The following PLGRKT variants were observed in gnomAD, a reference collection of about 807,000 sequenced individuals.
The protein encoded by PLGRKT is plasminogen receptor with a C-terminal lysine.
Under a neutral mutation model 18.5 loss-of-function variants are expected in PLGRKT, and 22 were observed. The observed-to-expected ratio is 1.19, with a 90% CI of 0.85 to 1.70. PLGRKT has a LOEUF of 1.70. Among genes scored for constraint, PLGRKT ranks in the 40% most tolerant of loss-of-function variants. The pLI is 0.00. For missense variants in PLGRKT, 235 were observed against 174.4 expected, an observed-to-expected ratio of 1.35 and a Z score of -1.96; for synonymous variants, 72 against 52.8, an observed-to-expected ratio of 1.36 and a Z score of -1.58.
chr9:5,433,435 G>A (rs1453466081), intron 2 of PLGRKT, among the ~76,000 whole-genome samples: 1 of 150,548 alleles, frequency 6.6e-6, no homozygotes, highest in Non-Finnish European at 1.5e-5. Context: ...TCTGGGAAGT[G>A]AGGAGTGCCT....
In PLGRKT at chr9:5,424,790, A is replaced by C. The variant is rs1207031256; in HGVS notation, c.81+7107T>G. On this transcript the variant is annotated intron_variant, in intron 3 of 5. Transcript: ENST00000223864. ...GGGCTGGTCCCAAACTCCTGGGCTTAAGTGATCCTCCTCCCAAGTAGCACG... is the reference window on the plus strand; with the variant it reads ...GGGCTGGTCCCAAACTCCTGGGCTTCAGTGATCCTCCTCCCAAGTAGCACG... 2.7e-5 allele frequency among the ~76,000 whole-genome samples: 4 copies of C among 149,110 alleles called. No homozygotes were observed. The Admixed American group carries it at 2.7e-4, about 10-fold the overall frequency.
Position 5,388,131 on chromosome 9 carries a change from G to C in PLGRKT, c.82-26243C>G, listed in dbSNP as rs188563870. 2.0e-5 allele frequency among the ~76,000 whole-genome samples: 3 copies of C among 151,924 alleles called. No individual in the cohort carries two copies. The East Asian group carries it at 5.8e-4, about 29-fold the overall frequency. On this transcript the variant is annotated intron_variant, in intron 3 of 5. Coordinates refer to ENST00000223864, the MANE Select transcript of PLGRKT (RefSeq NM_018465.4). Reference sequence around the variant, plus strand: ...GACTGGATGAAATGCCCCAGGAAGCGAGTATAGATGGTGAAAAGAAGACAA... The same window carrying C: ...GACTGGATGAAATGCCCCAGGAAGCCAGTATAGATGGTGAAAAGAAGACAA...
intron 3 of PLGRKT, among the ~76,000 whole-genome samples, chr9:5,408,950 A>G (rs982571206): frequency 6.6e-6 from 1 of 152,236 alleles, no homozygotes; most frequent in Non-Finnish European, 1.5e-5. Context: ...GGCAGCTTCC[A>G]TGTGATGCTA....
chr9:5,403,488 G>A (rs922775019), intron 3 of PLGRKT, among the ~76,000 whole-genome samples: 2 of 152,090 alleles, frequency 1.3e-5, no homozygotes, highest in Non-Finnish European at 2.9e-5. Flanking sequence ...GCCTCCCAAA[G>A]TGCTGGGATT....
intron 3 of PLGRKT, among the ~76,000 whole-genome samples, chr9:5,428,729 G>A (rs536589325): frequency 2.0e-5 from 3 of 152,196 alleles, no homozygotes; most frequent in Admixed American, 6.5e-5. Context: ...ATAGGGTCTC[G>A]CTCTGTCAAC....
intron 3 of PLGRKT, among the ~76,000 whole-genome samples, chr9:5,403,061 T>C (rs2131130992): frequency 6.6e-6 from 1 of 151,968 alleles, no homozygotes; most frequent in East Asian, 1.9e-4. Context: ...GAAATAAGGT[T>C]TATTTTGCTG....
At chr9:5,361,510 G>T (rs913427951) in intron 4 of PLGRKT, among the ~76,000 whole-genome samples, 6 of 152,164 alleles carry the variant, frequency 3.9e-5, no homozygotes, top group African/African-American at 1.4e-4. Flanking sequence ...CCTTCTTGGT[G>T]TCAAGTTGGT....
In PLGRKT at chr9:5,418,610, T is replaced by C; in HGVS notation, c.81+13287A>G. 1 of 731,910 alleles carries C rather than the reference T, an allele frequency of 1.4e-6. No individual in the cohort carries two copies. The highest frequency in any genetic ancestry group is 2.5e-6 in the Non-Finnish European group (1 of 393,924). The allele number at this position is 731,910 out of a possible 1,614,324, so 45.3% of individuals were successfully genotyped here. On this transcript the variant is annotated intron_variant, in intron 3 of 5. Transcript: ENST00000223864. The surrounding 1 kb of genome is among the most constrained non-coding windows in gnomAD (Gnocchi z 4.2). ...ACAGTGACGGACTTCTGCCGGTTCC[T>C]GGGCAGCAGGTGGCGGCTCATATCT...
intron 2 of PLGRKT, among the ~76,000 whole-genome samples, chr9:5,433,608 C>T (rs1176550752): frequency 6.9e-6 from 1 of 144,916 alleles, no homozygotes; most frequent in Non-Finnish European, 1.5e-5. Context: ...TCTGCCTGAG[C>T]GCCCATCGTC....
At chr9:5,422,494 A>G (rs1443227517) in intron 3 of PLGRKT, among the ~76,000 whole-genome samples, 2 of 148,134 alleles carry the variant, frequency 1.4e-5, no homozygotes, top group Non-Finnish European at 2.9e-5. Flanking sequence ...TTTCTTCAAC[A>G]AATAAATAGT....
intron 3 of PLGRKT, among the ~76,000 whole-genome samples, chr9:5,380,739 T>C (rs1480855540): frequency 2.6e-5 from 4 of 152,256 alleles, no homozygotes; most frequent in Non-Finnish European, 5.9e-5. Flanking sequence ...GCCATAACCT[T>C]GGTGCCTAGA....
At chr9:5,403,925 A>G (rs1191997728) in intron 3 of PLGRKT, among the ~76,000 whole-genome samples, 1 of 152,228 alleles carries the variant, frequency 6.6e-6, no homozygotes, top group Non-Finnish European at 1.5e-5. Context: ...AATAAACACA[A>G]TCAGAAATGT....
chr9:5,406,323 A>G (rs1310019643), intron 3 of PLGRKT, among the ~76,000 whole-genome samples: 1 of 152,166 alleles, frequency 6.6e-6, no homozygotes, highest in African/African-American at 2.4e-5. Flanking sequence ...TGTTCACTGC[A>G]GCACTATTCA....
intron 3 of PLGRKT, among the ~76,000 whole-genome samples, chr9:5,423,401 C>A (rs1818614709): frequency 6.6e-6 from 1 of 152,322 alleles, no homozygotes; most frequent in South Asian, 2.1e-4. Context: ...TTGGAACATA[C>A]TGTATCTTTT....
intron 3 of PLGRKT, among the ~76,000 whole-genome samples, chr9:5,382,257 T>C (rs1457549275): frequency 6.6e-6 from 1 of 152,168 alleles, no homozygotes; most frequent in Non-Finnish European, 1.5e-5. Flanking sequence ...CAGAGAAGTA[T>C]TAAAGAAGAA....
At chr9:5,417,072 T>A (rs775425978) in intron 3 of PLGRKT, among the ~76,000 whole-genome samples, 2 of 152,212 alleles carry the variant, frequency 1.3e-5, no homozygotes, top group Non-Finnish European at 2.9e-5. Flanking sequence ...CTTCTTACTG[T>A]AACTAAGCTA....
chr9:5,417,038 T>C (rs1455828439), intron 3 of PLGRKT, among the ~76,000 whole-genome samples: 3 of 152,246 alleles, frequency 2.0e-5, no homozygotes, highest in Admixed American at 6.5e-5. Context: ...TAATGCATAA[T>C]AGTATTTGCA....
chr9:5,386,311 T>G (rs1344490884), intron 3 of PLGRKT, among the ~76,000 whole-genome samples: 1 of 151,886 alleles, frequency 6.6e-6, no homozygotes, highest in Non-Finnish European at 1.5e-5. Context: ...GGTAATTCCC[T>G]GATACCTTTA....
chr9:5,433,846 G>A (rs190812934), intron 2 of PLGRKT, among the ~76,000 whole-genome samples: 1 of 144,462 alleles, frequency 6.9e-6, no homozygotes, highest in Non-Finnish European at 1.5e-5. Context: ...CCCATCATCT[G>A]GGATGTGAGG....
Sources: allele counts gnomAD v4.1 joint callset (sites outside exome capture counted in the v4.1 genomes callset), GRCh38; gene constraint gnomAD v4.1.1; non-coding constraint Gnocchi (gnomAD v3.1); transcripts MANE v1.5; gene names NCBI Gene and HGNC (gene_info 2026-07-23, HGNC 2026-07-21).